ROR2: variants seen among roughly 807,000 people sequenced by gnomAD.
ROR2 encodes ROR family WNT receptor 2.
ROR2 carries 33 observed loss-of-function variants against 74.9 expected under a neutral mutation model. That is an observed-to-expected ratio of 0.44 (90% confidence interval 0.33 to 0.59). The LOEUF is 0.59. Among genes scored for constraint, ROR2 ranks in the 20% least tolerant of loss-of-function variants. The pLI is 0.02. For synonymous variants in ROR2, 586 were observed against 558.7 expected (o/e 1.05, Z -0.69); for missense variants, 1,216 against 1,313.8 (o/e 0.93, Z 1.15).
intron 1 of ROR2, among the ~76,000 whole-genome samples, chr9:91,829,549 C>CAAAAAAAAAAAAAAAAAAAAAA (rs34687056): frequency 2.5e-5 from 1 of 40,512 alleles, no homozygotes; most frequent in Non-Finnish European, 4.6e-5. Context: ...GACTCCGTCT[C>CAAAAAAAAAAAAAAAAAAAAAA]AAAAAAAAAA....
intron 1 of ROR2, among the ~76,000 whole-genome samples, chr9:91,943,915 A>G (rs956833719): frequency 1.3e-5 from 2 of 152,368 alleles, no homozygotes; most frequent in Middle Eastern, 3.4e-3. Context: ...AGTAAAAGCC[A>G]TATACGACAA....
Position 91,724,580 on chromosome 9 carries a change from T to C in ROR2, c.1914A>G (p.Arg638=). The C allele has an allele frequency of 6.2e-7, 1 of 1,614,180 alleles. No individual in the cohort carries two copies. Among genetic ancestry groups the C allele is most frequent in the Non-Finnish European group, 8.5e-7 (1 of 1,180,030 alleles). Residue 638 remains arginine, a synonymous_variant, in exon 9 of 9, where the codon CGA becomes CGG. Transcript: ENST00000375708. ...TGTAGTAATCGGCGGCATACACCTC[T>C]CGGAAGAGGCCCAAGTCTGAGATCT... is the stretch of plus-strand genomic sequence containing the variant. The part of the protein sequence containing the change: ...NVKISDLGLF[R]EVYAADYYKL...
At chr9:91,739,263 T>C (rs1207493242) in intron 4 of ROR2, among the ~76,000 whole-genome samples, 16 of 152,144 alleles carry the variant, frequency 1.1e-4, no homozygotes, top group Non-Finnish European at 2.4e-4. Context: ...TCCCAGCACT[T>C]TGGGAGGCCA....
chr9:91,738,394 G>C (rs1389146660), intron 4 of ROR2, among the ~76,000 whole-genome samples: 2 of 152,166 alleles, frequency 1.3e-5, no homozygotes, highest in African/African-American at 2.4e-5. Flanking sequence ...GATGATTCTT[G>C]AGGTGAAGGG....
At chr9:91,809,636 G>A (rs532831438) in intron 1 of ROR2, among the ~76,000 whole-genome samples, 13 of 152,338 alleles carry the variant, frequency 8.5e-5, no homozygotes, top group Admixed American at 2.6e-4. Flanking sequence ...AGCGGCACTC[G>A]CCAGTGTGAC....
At chr9:91,801,087 AT>A (rs1350714875) in intron 1 of ROR2, among the ~76,000 whole-genome samples, 1 of 151,904 alleles carries the variant, frequency 6.6e-6, no homozygotes, top group Non-Finnish European at 1.5e-5. Context: ...CCCCACTTAC[AT>A]TTTTGCTCCC....
chr9:91,764,857 A>G (rs1211765245), intron 2 of ROR2, among the ~76,000 whole-genome samples: 1 of 152,214 alleles, frequency 6.6e-6, no homozygotes, highest in African/African-American at 2.4e-5. Context: ...CGTTGGGTAT[A>G]GAATTTGAGG....
intron 1 of ROR2, among the ~76,000 whole-genome samples, chr9:91,782,413 C>T (rs939581766): frequency 1.3e-5 from 2 of 151,670 alleles, no homozygotes; most frequent in Admixed American, 1.3e-4. Context: ...AAAAAAACAC[C>T]CTGATTAGAA....
At chr9:91,861,037 A>T (rs1010233725) in intron 1 of ROR2, among the ~76,000 whole-genome samples, 1 of 152,260 alleles carries the variant, frequency 6.6e-6, no homozygotes, top group African/African-American at 2.4e-5. Context: ...ACTTAGGAAG[A>T]AATTTAATCC....
At chr9:91,846,393 G>A (rs968345936) in intron 1 of ROR2, among the ~76,000 whole-genome samples, 1 of 152,174 alleles carries the variant, frequency 6.6e-6, no homozygotes. Context: ...CACCCCATGA[G>A]GATGCAGTGA....
intron 1 of ROR2, among the ~76,000 whole-genome samples, chr9:91,943,851 A>G (rs891897371): frequency 2.0e-5 from 3 of 152,220 alleles, no homozygotes; most frequent in African/African-American, 4.8e-5. Context: ...TCTAAAAGTC[A>G]AAAATATACC....
At position 91,897,864 on chromosome 9, in the gene ROR2, T is replaced by G. The variant is rs560247565; in HGVS notation, c.97+52003A>C. Among the ~76,000 whole-genome samples, 5 of 152,272 alleles carry G rather than the reference T, an allele frequency of 3.3e-5. No individual in the cohort carries two copies. The East Asian group carries it at 5.8e-4, about 18-fold the overall frequency. On this transcript the variant is annotated intron_variant, in intron 1 of 8. Transcript: ENST00000375708. ...GGGTCTGCTTCTGAGGGAGTCCCTGTGTGTATCATTGCATCCACCTGAGGA... is the reference window on the plus strand; with the variant it reads ...GGGTCTGCTTCTGAGGGAGTCCCTGGGTGTATCATTGCATCCACCTGAGGA...
chr9:91,936,846 C>T (rs1386270647), intron 1 of ROR2, among the ~76,000 whole-genome samples: 3 of 151,060 alleles, frequency 2.0e-5, no homozygotes, highest in Admixed American at 6.6e-5. Flanking sequence ...CCGGCTAAAA[C>T]GGTGAAACCC....
At chr9:91,762,503 A>G (rs774575823) in intron 2 of ROR2, among the ~76,000 whole-genome samples, 3 of 152,232 alleles carry the variant, frequency 2.0e-5, no homozygotes, top group Non-Finnish European at 4.4e-5. Flanking sequence ...AATGCTGCAA[A>G]CATACAGAAA....
intron 2 of ROR2, among the ~76,000 whole-genome samples, chr9:91,768,191 C>A (rs990826253): frequency 1.3e-5 from 2 of 152,176 alleles, no homozygotes; most frequent in African/African-American, 4.8e-5. Flanking sequence ...GCCAACAAAC[C>A]TTGATTTCAG....
chr9:91,877,467 G>A (rs1435262709), intron 1 of ROR2, among the ~76,000 whole-genome samples: 1 of 152,208 alleles, frequency 6.6e-6, no homozygotes, highest in Non-Finnish European at 1.5e-5. Flanking sequence ...GACCAGAAGA[G>A]GATGAAGAAG....
chr9:91,879,981 A>G (rs892288747), intron 1 of ROR2, among the ~76,000 whole-genome samples: 2 of 152,160 alleles, frequency 1.3e-5, no homozygotes, highest in African/African-American at 4.8e-5. Context: ...TGTTACTACA[A>G]TACAAAGCAT....
chr9:91,889,795 C>T (rs1436139480), intron 1 of ROR2, among the ~76,000 whole-genome samples: 1 of 152,222 alleles, frequency 6.6e-6, no homozygotes, highest in Non-Finnish European at 1.5e-5. Flanking sequence ...TTTGTGCACC[C>T]CGCCTCCTTG....
Position 91,756,071 on chromosome 9 carries a change from T to C in ROR2, c.494A>G (p.Gln165Arg), listed in dbSNP as rs1301731825. The change falls in exon 4 of 9, where the codon CAG (glutamine) becomes CGG (arginine). Residue 165 changes from glutamine (Q) to arginine (R), a missense_variant and splice_region_variant. Gln to Arg is a conservative substitution (Grantham distance 43, BLOSUM62 1). Coordinates refer to ENST00000375708, the MANE Select transcript of ROR2 (RefSeq NM_004560.4). ...CGGCTTGGGGAAAACAGATACTTAC[T>C]GAAAGTTATGATTTGGGCTGTGCGT... is the stretch of plus-strand genomic sequence containing the variant. ...GPTHSPNHNF[Q>R]DDYHEDGFCQ... 4 of 1,613,908 alleles carry C rather than the reference T, an allele frequency of 2.5e-6. No individual in the cohort carries two copies. The highest frequency in any genetic ancestry group is 3.4e-6 in the Non-Finnish European group (4 of 1,179,806).
Sources: allele counts gnomAD v4.1 joint callset (sites outside exome capture counted in the v4.1 genomes callset), GRCh38; gene constraint gnomAD v4.1.1; transcripts MANE v1.5; gene names NCBI Gene and HGNC (gene_info 2026-07-23, HGNC 2026-07-21).